RPL36A: variants seen among roughly 807,000 people sequenced by gnomAD.
RPL36A encodes ribosomal protein L36a.
For missense variants in RPL36A, 20 were observed against 81.0 expected (o/e 0.25, Z 2.89); for synonymous variants, 25 against 28.5 (o/e 0.88, Z 0.39).
chrX:101,391,627 G>T, intron 2 of RPL36A, 63 bp downstream of exon 2: 1 of 1,195,546 alleles, frequency 8.4e-7, no homozygotes, highest in Non-Finnish European at 1.1e-6. Flanking sequence ...TAACATACGA[G>T]TCCGGGTCTC....
chrX:101,391,647 A>G, intron 2 of RPL36A, 83 bp downstream of exon 2: 1 of 1,194,306 alleles, frequency 8.4e-7, no homozygotes, highest in Non-Finnish European at 1.1e-6. Context: ...CTCTCCCTCC[A>G]CGCCTGGCTT....
intron 1 of RPL36A, 94 bp from the exon 2 acceptor site, chrX:101,391,365 C>T (rs1927793925): frequency 6.7e-6 from 7 of 1,041,625 alleles, no homozygotes; most frequent in Non-Finnish European, 9.4e-6. Flanking sequence ...AATGAGGAGT[C>T]CTCCTGGAGT....
chrX:101,394,012 C>T (rs1927924926), intron 3 of RPL36A, among the ~76,000 whole-genome samples: 1 of 111,823 alleles, frequency 8.9e-6, no homozygotes, highest in Non-Finnish European at 1.9e-5. Flanking sequence ...AACTTGTAAA[C>T]AATAGTTCTG....
At chrX:101,392,222 C>T in intron 3 of RPL36A, 5 of 945,993 alleles carry the variant, frequency 5.3e-6, no homozygotes, top group Non-Finnish European at 6.7e-6. Context: ...CAGTCAACTA[C>T]CTGTTCTCGT....
At chrX:101,391,436 G>C in intron 1 of RPL36A, 23 bp from the exon 2 acceptor site, 1 of 1,207,209 alleles carries the variant, frequency 8.3e-7, no homozygotes, top group Non-Finnish European at 1.1e-6. Flanking sequence ...AACATTGCAC[G>C]TTCTGAACTG....
chrX:101,395,607 G>A, intron 4 of RPL36A, 121 bp from the exon 5 acceptor site: 1 of 1,089,093 alleles, frequency 9.2e-7, no homozygotes, highest in South Asian at 2.0e-5. Flanking sequence ...TTTGCTACAA[G>A]GAGGAAAGGA....
chrX:101,395,677 G>C (rs1927998960), intron 4 of RPL36A, 51 bp from the exon 5 acceptor site: 2 of 1,183,623 alleles, frequency 1.7e-6, no homozygotes, highest in Admixed American at 2.2e-5. Flanking sequence ...TTCTTAATGG[G>C]GCAGTAGTTC....
intron 3 of RPL36A, 21 bp downstream of exon 3, chrX:101,391,843 G>A: frequency 8.3e-7 from 1 of 1,205,186 alleles, no homozygotes; most frequent in South Asian, 1.8e-5. Flanking sequence ...GTTACTATTT[G>A]ACGTTTCCCA....
intron 3 of RPL36A, chrX:101,393,739 C>T (rs1223610115): frequency 1.8e-5 from 2 of 111,883 alleles, no homozygotes; most frequent in Non-Finnish European, 3.8e-5. Flanking sequence ...CGGAAATTGT[C>T]AAGGTCATCA....
chrX:101,394,727 TTA>T (rs2147466731), intron 3 of RPL36A, among the ~76,000 whole-genome samples: 1 of 101,189 alleles, frequency 9.9e-6, no homozygotes, highest in Admixed American at 1.2e-4. Flanking sequence ...TATTTATATA[TTA>T]TATATTATAT....
rs1003487732 is a variant in RPL36A at position 101,395,955 on chromosome X, A to T, written c.*207A>T. 3.1e-5 allele frequency: 13 copies of T among 413,908 alleles called. No individual in the cohort carries two copies. Among genetic ancestry groups the T allele is most frequent in the Non-Finnish European group, 5.0e-5 (12 of 242,285 alleles). The allele number at this position is 413,908 out of a possible 1,213,427, so 34.1% of individuals were successfully genotyped here. A position where few individuals can be genotyped will look rare whatever the true frequency, so the allele number is the denominator to read the frequency against. On this transcript the variant is annotated 3_prime_UTR_variant, in exon 5 of 5. Coordinates refer to ENST00000553110, the MANE Select transcript of RPL36A (RefSeq NM_021029.6). ...ATATGTTGCAATTTTCTAATTTGGC[A>T]CTTCAATCACTAGGGGCCTTATGAG... is the stretch of plus-strand genomic sequence containing the variant.
chrX:101,392,551 G>A, intron 3 of RPL36A: 2 of 754,750 alleles, frequency 2.6e-6, no homozygotes, highest in Non-Finnish European at 3.1e-6. Context: ...CGGATAACTT[G>A]TTTAGAAGAC....
In RPL36A at chrX:101,395,959, C is replaced by A. The variant is rs781819995; in HGVS notation, c.*211C>A. 23 of 413,517 alleles carry A rather than the reference C, an allele frequency of 5.6e-5. No homozygotes were observed. Among genetic ancestry groups the A allele is most frequent in the Non-Finnish European group, 9.1e-5 (22 of 241,898 alleles). The allele number at this position is 413,517 out of a possible 1,213,427, so 34.1% of individuals were successfully genotyped here. A position where few individuals can be genotyped will look rare whatever the true frequency, so the allele number is the denominator to read the frequency against. On this transcript the variant is annotated 3_prime_UTR_variant, in exon 5 of 5. Transcript: ENST00000553110. ...GTTGCAATTTTCTAATTTGGCACTT[C>A]AATCACTAGGGGCCTTATGAGGCAG...
chrX:101,392,372 G>A, intron 3 of RPL36A: 2 of 837,422 alleles, frequency 2.4e-6, no homozygotes, highest in African/African-American at 4.3e-5. Flanking sequence ...TTAGCACGAT[G>A]ATTGGAACGG....
In RPL36A at chrX:101,395,890, T is replaced by A; in HGVS notation, c.*142T>A. 1.8e-6 allele frequency: 1 copy of A among 554,206 alleles called. No individual in the cohort carries two copies. Among genetic ancestry groups the A allele is most frequent in the South Asian group, 3.3e-5 (1 of 30,600 alleles). The allele number at this position is 554,206 out of a possible 1,213,427, so 45.7% of individuals were successfully genotyped here. Reference sequence around the variant, plus strand: ...GGAAATTTATGCCTCTTACTGGTACTACTTGTTTTGCATTGAAGCTGACTG... The same window carrying A: ...GGAAATTTATGCCTCTTACTGGTACAACTTGTTTTGCATTGAAGCTGACTG... On this transcript the variant is annotated 3_prime_UTR_variant, in exon 5 of 5. Transcript: ENST00000553110.
chrX:101,395,572 C>G (rs1603034556), intron 4 of RPL36A, 115 bp downstream of exon 4: 2 of 1,105,542 alleles, frequency 1.8e-6, no homozygotes, highest in East Asian at 6.0e-5. Context: ...AATATTAGAT[C>G]TATAGCTAAA....
In RPL36A at chrX:101,395,385, C is replaced by A; in HGVS notation, c.228C>A (p.Asn76Lys). 1 of 1,208,314 alleles carries A rather than the reference C, an allele frequency of 8.3e-7. No homozygotes were observed. Among genetic ancestry groups the A allele is most frequent in the East Asian group, 3.0e-5 (1 of 33,735 alleles). ...IVLRLECVEP[N>K]CRSKRMLAIK... ...TAAGGCTTGAGTGCGTTGAGCCCAA[C>A]TGCAGATCTAAGAGAATGCTGGCTA... Residue 76 changes from asparagine to lysine, a missense_variant, in exon 4 of 5, where the codon AAC (asparagine) becomes AAA (lysine). Physicochemically the swap from Asn to Lys is moderately conservative, Grantham distance 94. Transcript: ENST00000553110.
At chrX:101,394,794 T>A (rs782470407) in intron 3 of RPL36A, among the ~76,000 whole-genome samples, 985 of 67,436 alleles carry the variant, frequency 0.015, 23 homozygotes, top group African/African-American at 0.1. Flanking sequence ...ATATATATTT[T>A]TTTTTTTTTT....
intron 3 of RPL36A, among the ~76,000 whole-genome samples, chrX:101,394,989 C>T (rs1276557521): frequency 9.5e-6 from 1 of 104,920 alleles, no homozygotes; most frequent in East Asian, 3.0e-4. Flanking sequence ...TGGGGTTTCA[C>T]CATGTTGGTC....
Sources: allele counts gnomAD v4.1 joint callset (sites outside exome capture counted in the v4.1 genomes callset), GRCh38; gene constraint gnomAD v4.1.1; transcripts MANE v1.5; gene names NCBI Gene and HGNC (gene_info 2026-07-23, HGNC 2026-07-21).